Variants in SPTBN4 observed in about 807,000 individuals in gnomAD.
The protein encoded by SPTBN4 is spectrin beta, non-erythrocytic 4, also known as spectrin beta chain, non-erythrocytic 4.
SPTBN4 carries 96 observed loss-of-function variants against 277.8 expected under a neutral mutation model. The ratio of observed to expected loss-of-function variants is 0.35; its 90% CI spans 0.29 to 0.41. The LOEUF is 0.41. SPTBN4 is among the 10% of genes least tolerant of loss of function. The pLI, the probability that SPTBN4 is intolerant of heterozygous loss-of-function variation, is 1.00. For missense variants in SPTBN4, 3,006 were observed against 3,595.7 expected, an observed-to-expected ratio of 0.84 and a Z score of 4.19; for synonymous variants, 1,481 against 1,580.3, an observed-to-expected ratio of 0.94 and a Z score of 1.49.
chr19:40,524,975 C>CT (rs2080573295), intron 17 of SPTBN4, among the ~76,000 whole-genome samples: 1 of 152,210 alleles, frequency 6.6e-6, no homozygotes. Flanking sequence ...CCAGTTCTGT[C>CT]TGTCATTAGA....
intron 27 of SPTBN4, among the ~76,000 whole-genome samples, chr19:40,563,939 C>T (rs577970044): frequency 4.7e-4 from 72 of 151,654 alleles, no homozygotes; most frequent in Middle Eastern, 3.4e-3. Flanking sequence ...CCCAGCTACT[C>T]GGGAGGCTGA....
chr19:40,573,926 C>A (rs1358862512), intron 35 of SPTBN4, among the ~76,000 whole-genome samples: 1 of 151,952 alleles, frequency 6.6e-6, no homozygotes, highest in Non-Finnish European at 1.5e-5. Context: ...ACGGTGAAAC[C>A]CCGTCTCTAC....
At chr19:40,473,954 C>A in intron 2 of SPTBN4, among the ~76,000 whole-genome samples, 1 of 150,212 alleles carries the variant, frequency 6.7e-6, no homozygotes, top group Non-Finnish European at 1.5e-5. Flanking sequence ...CCATGTTCGC[C>A]AACATAGTGA....
chr19:40,470,776 T>A (rs1186821584), intron 1 of SPTBN4, among the ~76,000 whole-genome samples: 1 of 150,258 alleles, frequency 6.7e-6, no homozygotes, highest in Non-Finnish European at 1.5e-5. Flanking sequence ...GAGATTACAG[T>A]AGCCCGAAAC....
At position 40,512,843 on chromosome 19, in the gene SPTBN4, C is replaced by T. The variant is rs1389146363; in HGVS notation, c.2054C>T (p.Ala685Val). Residue 685 changes from alanine to valine, a missense_variant, in exon 14 of 36, where the codon GCG becomes GTG. By Grantham distance (64) the Ala-to-Val change is moderately conservative. Around this residue, in one of 5 missense-constraint regions of SPTBN4, gnomAD observed 1,759 missense variants for 2,061.5 expected, o/e 0.85. Transcript: ENST00000598249. ...AAGAAGAAGT[A>V]GGAHDLSSTA... Reference sequence around the variant, plus strand: ...GGCGCAGCGGGCGCAGCGGGAACAGCGGGCGGCGCGCATGACCTGTCCAGC... The same window carrying T: ...GGCGCAGCGGGCGCAGCGGGAACAGTGGGCGGCGCGCATGACCTGTCCAGC... The T allele has an allele frequency of 1.4e-6, 2 of 1,456,170 alleles. No individual in the cohort carries two copies. The highest frequency in any genetic ancestry group is 1.8e-6 in the Non-Finnish European group (2 of 1,117,232). The allele number at this position is 1,456,170 out of a possible 1,614,324, so 90.2% of individuals were successfully genotyped here.
chr19:40,522,142 T>C (rs933139896), intron 16 of SPTBN4, among the ~76,000 whole-genome samples: 2 of 152,046 alleles, frequency 1.3e-5, no homozygotes, highest in African/African-American at 4.8e-5. Flanking sequence ...TCCTCCCACG[T>C]CAGCCCTCCA....
chr19:40,564,558 G>C (rs781469091), intron 27 of SPTBN4, among the ~76,000 whole-genome samples: 5 of 152,084 alleles, frequency 3.3e-5, no homozygotes, highest in African/African-American at 7.2e-5. Context: ...TTGGATCTTG[G>C]CTGGGTGTGG....
At chr19:40,497,325 C>T (rs2080210982) in intron 6 of SPTBN4, 164 bp from the exon 7 acceptor site, 2 of 609,672 alleles carry the variant, frequency 3.3e-6, no homozygotes, top group Admixed American at 2.8e-5. Context: ...ATCACACTCA[C>T]ATCACAGCTA....
At position 40,502,535 on chromosome 19, in the gene SPTBN4, G is replaced by A. The variant is rs1339063891; in HGVS notation, c.1203+28G>A. The A allele has an allele frequency of 5.7e-6, 9 of 1,586,592 alleles. No individual in the cohort carries two copies. Among genetic ancestry groups the A allele is most frequent in the South Asian group, 1.1e-5 (1 of 87,044 alleles). On this transcript the variant is annotated intron_variant, in intron 10 of 35. Coordinates refer to ENST00000598249, the MANE Select transcript of SPTBN4 (RefSeq NM_020971.3). The surrounding 1 kb of genome is among the most constrained non-coding windows in gnomAD (Gnocchi z 4.9). ...GAGGCCGGGGATGCAGGGGAGAGGC[G>A]GGGTTGCACTGTGGAGTTGTATAGG...
At chr19:40,485,576 T>TG (rs2080062427) in intron 2 of SPTBN4, among the ~76,000 whole-genome samples, 1 of 151,974 alleles carries the variant, frequency 6.6e-6, no homozygotes, top group South Asian at 2.1e-4. Context: ...GAAGCGTACG[T>TG]GGGAGGATTG....
In SPTBN4 at chr19:40,524,593, G is replaced by A. The variant is rs34804421; in HGVS notation, c.3857+954G>A. Reference sequence around the variant, plus strand: ...TCTGCACCCTCCTTGGGAACCCCCAGACCTCCCCAGATCCAGCAGCTAGAG... The same window carrying A: ...TCTGCACCCTCCTTGGGAACCCCCAAACCTCCCCAGATCCAGCAGCTAGAG... On this transcript the variant is annotated intron_variant, in intron 17 of 35. Transcript: ENST00000598249. The A allele has an allele frequency of 3.2e-3, 1,458 of 456,508 alleles. 11 individuals carry two copies. Among genetic ancestry groups the A allele is most frequent in the Middle Eastern group, 3.9e-3 (12 of 3,076 alleles). The allele number at this position is 456,508 out of a possible 1,614,324, so 28.3% of individuals were successfully genotyped here.
intron 12 of SPTBN4, among the ~76,000 whole-genome samples, chr19:40,504,965 G>A (rs1451286947): frequency 6.6e-6 from 1 of 152,056 alleles, no homozygotes; most frequent in African/African-American, 2.4e-5. Flanking sequence ...GAGACAGAGA[G>A]AGGAGAAGGC....
intron 2 of SPTBN4, among the ~76,000 whole-genome samples, chr19:40,482,785 A>C (rs928486014): frequency 6.6e-6 from 1 of 151,818 alleles, no homozygotes. Context: ...AACATGGAGA[A>C]ACCCTGTCTC....
chr19:40,572,000 C>A lies in SPTBN4; in HGVS notation c.7320-19C>A. 6.5e-7 allele frequency: 1 copy of A among 1,528,640 alleles called. No homozygotes were observed. 94.7% of individuals were successfully genotyped at this position (1,528,640 alleles called of 1,614,324 possible). ...CAGAGTGCTGCGGCTCTGCCTTGAGCCCCATCTTGTCGCTCCAGGTCGTGG... is the reference window on the plus strand; with the variant it reads ...CAGAGTGCTGCGGCTCTGCCTTGAGACCCATCTTGTCGCTCCAGGTCGTGG... On this transcript the variant is annotated intron_variant, in intron 33 of 35. Coordinates refer to ENST00000598249, the MANE Select transcript of SPTBN4 (RefSeq NM_020971.3).
Position 40,560,037 on chromosome 19 carries a change from G to A in SPTBN4, c.5671-122G>A. On this transcript the variant is annotated intron_variant, in intron 26 of 35. Coordinates refer to ENST00000598249, the MANE Select transcript of SPTBN4 (RefSeq NM_020971.3). This position sits in a 1 kb window ranked among gnomAD's most constrained non-coding sequence, Gnocchi z 5.2. The stretch of plus-strand genomic sequence containing the variant: ...AGGCAGCAGATATGACAGGAGCCTG[G>A]CTGTGGGATCACAGTGTGAGGCTCC... The A allele has an allele frequency of 7.0e-7, 1 of 1,433,608 alleles. No homozygotes were observed. Among genetic ancestry groups the A allele is most frequent in the Non-Finnish European group, 9.1e-7 (1 of 1,097,778 alleles). The allele number at this position is 1,433,608 out of a possible 1,614,324, so 88.8% of individuals were successfully genotyped here.
At chr19:40,542,280 C>G (rs1003914968) in intron 20 of SPTBN4, among the ~76,000 whole-genome samples, 6 of 152,118 alleles carry the variant, frequency 3.9e-5, no homozygotes, top group Non-Finnish European at 8.8e-5. Flanking sequence ...TCCTCATGTC[C>G]TCCTTGTGTC....
intron 5 of SPTBN4, among the ~76,000 whole-genome samples, chr19:40,493,886 C>G (rs1255573702): frequency 6.6e-6 from 1 of 152,166 alleles, no homozygotes. Context: ...TTCAAGAGAT[C>G]TCACATTCAC....
chr19:40,494,748 C>A, intron 5 of SPTBN4, 149 bp from the exon 6 acceptor site: 1 of 680,708 alleles, frequency 1.5e-6, no homozygotes, highest in South Asian at 1.8e-5. Flanking sequence ...TCTACCTACC[C>A]AACACCCACC....
At chr19:40,501,396 C>T (rs1568780399) in intron 7 of SPTBN4, among the ~76,000 whole-genome samples, 2 of 152,186 alleles carry the variant, frequency 1.3e-5, no homozygotes, top group African/African-American at 2.4e-5. Context: ...AGGCCAGGTG[C>T]GGTGGCTCAC....
Sources: allele counts gnomAD v4.1 joint callset (sites outside exome capture counted in the v4.1 genomes callset), GRCh38; gene constraint gnomAD v4.1.1; regional missense constraint gnomAD v4.1.1; non-coding constraint Gnocchi (gnomAD v3.1); transcripts MANE v1.5; gene names NCBI Gene and HGNC (gene_info 2026-07-23, HGNC 2026-07-21).